Variants in THADA observed in about 807,000 individuals in gnomAD.
THADA encodes tRNA (32-2'-O)-methyltransferase regulator THADA.
Under a neutral mutation model 219.8 loss-of-function variants are expected in THADA, and 213 were observed. That is an observed-to-expected ratio of 0.97 (90% CI 0.87 to 1.09). The LOEUF (loss-of-function observed/expected upper bound fraction) is 1.09. Ranked by LOEUF, THADA falls within the 50% of genes least tolerant of loss-of-function variation. The pLI, the probability that THADA is intolerant of heterozygous loss-of-function variation, is 0.00. For synonymous variants in THADA, 1,018 were observed against 828.9 expected (o/e 1.23, Z -3.92); for missense variants, 2,956 against 2,311.3 (o/e 1.28, Z -5.72).
chr2:43,572,668 G>C, intron 12 of THADA, 146 bp downstream of exon 12: 1 of 617,134 alleles, frequency 1.6e-6, no homozygotes, highest in Middle Eastern at 4.4e-4. Context: ...CCTACTGAAA[G>C]TTTAGTTGGG....
At position 43,556,445 on chromosome 2, in the gene THADA, C is replaced by A; in HGVS notation, c.2574G>T (p.Gln858His). ...CAGACAAGGATGACGGTAGAGCATC[C>A]TGCCAGATTAAGAAGTTCAGCAGGT... Reference protein sequence around the residue: ...ASYLLNFLIWQDALPSSLSAY... With the variant: ...ASYLLNFLIWHDALPSSLSAY... The change falls in exon 17 of 38, where the codon CAG (glutamine) becomes CAT (histidine). Residue 858 changes from glutamine (Q) to histidine (H), a missense_variant. By Grantham distance (24) the Gln-to-His change is conservative. Transcript: ENST00000405975. 1 of 1,613,866 alleles carries A rather than the reference C, an allele frequency of 6.2e-7. No homozygotes were observed. The highest frequency in any genetic ancestry group is 1.7e-5 in the Admixed American group (1 of 60,010).
chr2:43,490,175 T>C (rs992231180), intron 25 of THADA, among the ~76,000 whole-genome samples: 4 of 152,200 alleles, frequency 2.6e-5, no homozygotes, highest in Non-Finnish European at 5.9e-5. Context: ...AGTGTACAAT[T>C]TCTGTATGAT....
intron 29 of THADA, among the ~76,000 whole-genome samples, chr2:43,356,132 C>A (rs886945988): frequency 6.6e-6 from 1 of 151,946 alleles, no homozygotes; most frequent in South Asian, 2.1e-4. Flanking sequence ...AAATTCTGCA[C>A]GTGGAAGCTA....
At chr2:43,548,935 A>G (rs1033208536) in intron 20 of THADA, among the ~76,000 whole-genome samples, 15 of 152,318 alleles carry the variant, frequency 9.8e-5, no homozygotes, top group Admixed American at 2.0e-4. Flanking sequence ...TCAGATGGAA[A>G]TGCAGAAATC....
At chr2:43,330,491 A>G (rs1245487752) in intron 30 of THADA, among the ~76,000 whole-genome samples, 1 of 152,168 alleles carries the variant, frequency 6.6e-6, no homozygotes, top group African/African-American at 2.4e-5. Context: ...GGACAAATGT[A>G]TCAGGGCTGA....
At chr2:43,566,081 C>CT (rs1698641421) in intron 15 of THADA, 1 of 178,654 alleles carries the variant, frequency 5.6e-6, no homozygotes, top group Admixed American at 6.2e-5. Flanking sequence ...GAGCTAGACT[C>CT]TGTCTCAAAA....
chr2:43,550,970 A>G (rs927786196), intron 19 of THADA, among the ~76,000 whole-genome samples: 6 of 152,256 alleles, frequency 3.9e-5, no homozygotes, highest in African/African-American at 1.2e-4. Context: ...AATTAATTAA[A>G]TAAAATAATT....
intron 25 of THADA, among the ~76,000 whole-genome samples, chr2:43,493,572 T>C (rs1339613438): frequency 6.6e-6 from 1 of 152,090 alleles, no homozygotes; most frequent in African/African-American, 2.4e-5. Context: ...CGGGCTCCAC[T>C]GGGAAAGCCG....
chr2:43,424,710 T>C (rs921062688), intron 28 of THADA, among the ~76,000 whole-genome samples: 6 of 152,216 alleles, frequency 3.9e-5, no homozygotes, highest in Non-Finnish European at 8.8e-5. Flanking sequence ...TAGCATGGGT[T>C]TTCCCTGTGG....
At chr2:43,569,177 A>G (rs1407312184) in intron 14 of THADA, among the ~76,000 whole-genome samples, 1 of 151,948 alleles carries the variant, frequency 6.6e-6, no homozygotes, top group Non-Finnish European at 1.5e-5. Context: ...GGGTCTTGCT[A>G]TGTTGCCCAG....
chr2:43,344,244 C>G lies in THADA; in HGVS notation c.4228-7G>C. 6.4e-7 allele frequency: 1 copy of G among 1,561,986 alleles called. No homozygotes were observed. Among genetic ancestry groups the G allele is most frequent in the Non-Finnish European group, 8.7e-7 (1 of 1,152,814 alleles). On this transcript the variant is annotated splice_polypyrimidine_tract_variant and splice_region_variant and intron_variant, in intron 29 of 37. Transcript: ENST00000405975. ...CTTGCAACAAATGAAAAACCTAAAC[C>G]AAAAAAGAAAAAAAAATCCTGCTGT...
At chr2:43,585,541 T>C (rs1401373895) in intron 7 of THADA, among the ~76,000 whole-genome samples, 1 of 136,666 alleles carries the variant, frequency 7.3e-6, no homozygotes, top group African/African-American at 3.3e-5. Flanking sequence ...TGTAGATAGA[T>C]AGATAGATAG....
intron 22 of THADA, 30 bp from the exon 23 acceptor site, chr2:43,508,810 A>C: frequency 6.2e-7 from 1 of 1,608,718 alleles, no homozygotes; most frequent in Non-Finnish European, 8.5e-7. Context: ...AAATATTCGG[A>C]ATTAGGTATC....
At chr2:43,249,176 C>T (rs1669563639) in intron 36 of THADA, among the ~76,000 whole-genome samples, 1 of 152,102 alleles carries the variant, frequency 6.6e-6, no homozygotes, top group Non-Finnish European at 1.5e-5. Flanking sequence ...CAGCCTCAAC[C>T]TCCTGGGCTC....
intron 28 of THADA, among the ~76,000 whole-genome samples, chr2:43,398,701 G>A (rs1028476345): frequency 1.3e-5 from 2 of 152,216 alleles, no homozygotes; most frequent in Non-Finnish European, 2.9e-5. Flanking sequence ...TCAACCAGGG[G>A]CAAAGTGGTA....
chr2:43,536,001 A>G (rs913860965), intron 21 of THADA, among the ~76,000 whole-genome samples: 24 of 151,796 alleles, frequency 1.6e-4, no homozygotes, highest in Non-Finnish European at 3.4e-4. Flanking sequence ...ACGGGGTTTT[A>G]CCATGTTGGC....
intron 35 of THADA, among the ~76,000 whole-genome samples, chr2:43,282,582 C>T (rs1303416592): frequency 1.3e-5 from 2 of 152,058 alleles, no homozygotes; most frequent in South Asian, 2.1e-4. Flanking sequence ...TATAATTCTA[C>T]TAATAGGTGA....
In THADA at chr2:43,240,545, C is replaced by G. The variant is rs146123640; in HGVS notation, c.5297-7663G>C. Among the ~76,000 whole-genome samples, 583 of 152,312 alleles carry G rather than the reference C, an allele frequency of 3.8e-3. 3 individuals are homozygous for G. The highest frequency in any genetic ancestry group is 7.6e-3 in the Admixed American group (117 of 15,308). On this transcript the variant is annotated intron_variant, in intron 36 of 37. Transcript: ENST00000405975. Reference sequence around the variant, plus strand: ...CCCTTACCCTCTACTCCGAGACTAGCCAGGGCTCTCCACCCACCAGGGCCA... The same window carrying G: ...CCCTTACCCTCTACTCCGAGACTAGGCAGGGCTCTCCACCCACCAGGGCCA...
chr2:43,351,346 T>A lies in THADA; in HGVS notation c.4228-7109A>T, dbSNP rs140183197. ...GTGGCCACAAAGAACAATTTCCCATTCGTAACAACTTACAAATGCTTTCCT... is the reference window on the plus strand; with the variant it reads ...GTGGCCACAAAGAACAATTTCCCATACGTAACAACTTACAAATGCTTTCCT... On this transcript the variant is annotated intron_variant, in intron 29 of 37. Coordinates refer to ENST00000405975, the MANE Select transcript of THADA (RefSeq NM_022065.5). Among the ~76,000 whole-genome samples the A allele has an allele frequency of 4.6e-3, 703 of 152,250 alleles. 3 individuals are homozygous for A. Among genetic ancestry groups the A allele is most frequent in the Non-Finnish European group, 7.4e-3 (501 of 68,028 alleles).
Sources: allele counts gnomAD v4.1 joint callset (sites outside exome capture counted in the v4.1 genomes callset), GRCh38; gene constraint gnomAD v4.1.1; transcripts MANE v1.5; gene names NCBI Gene and HGNC (gene_info 2026-07-23, HGNC 2026-07-21).